The following HMBOX1 variants were observed in gnomAD, a reference collection of about 807,000 sequenced individuals.
The protein encoded by HMBOX1 is homeobox-containing protein 1.
HMBOX1 carries 14 observed loss-of-function variants against 54.5 expected under a neutral mutation model. The observed-to-expected ratio is 0.26, with a 90% CI of 0.17 to 0.40. The LOEUF is 0.40. HMBOX1 is among the 10% of genes least tolerant of loss of function. HMBOX1 has a pLI of 1.00. For missense variants in HMBOX1, 332 were observed against 514.4 expected, an observed-to-expected ratio of 0.65 and a Z score of 3.43; for synonymous variants, 160 against 181.0, an observed-to-expected ratio of 0.88 and a Z score of 0.93.
chr8:28,923,481 A>G (rs1015192347), intron 1 of HMBOX1, among the ~76,000 whole-genome samples: 4 of 152,316 alleles, frequency 2.6e-5, no homozygotes, highest in Middle Eastern at 6.8e-3. Flanking sequence ...TTACATTTGA[A>G]CACCTGTTTC....
intron 1 of HMBOX1, among the ~76,000 whole-genome samples, chr8:28,947,696 C>T (rs899032984): frequency 2.6e-5 from 4 of 152,148 alleles, no homozygotes; most frequent in Non-Finnish European, 4.4e-5. Flanking sequence ...ACTTAATCCA[C>T]GTTAGCTAAG....
At chr8:29,008,730 G>A (rs551602829) in intron 4 of HMBOX1, among the ~76,000 whole-genome samples, 1 of 152,268 alleles carries the variant, frequency 6.6e-6, no homozygotes, top group East Asian at 1.9e-4. Flanking sequence ...GAAAGCAGTG[G>A]TAATTGAAGG....
chr8:28,913,879 G>A lies in HMBOX1; in HGVS notation c.-58+23201G>A, dbSNP rs866438253. On this transcript the variant is annotated intron_variant, in intron 1 of 9. Coordinates refer to ENST00000287701, the MANE Select transcript of HMBOX1 (RefSeq NM_001135726.3). The stretch of plus-strand genomic sequence containing the variant: ...TCTTTTTTTTTTTTTTTTTTTTTGC[G>A]GGGGCGGAGGGATGGAGTCTCACTC... Among the ~76,000 whole-genome samples the A allele has an allele frequency of 6.2e-5, 8 of 129,872 alleles. No individual in the cohort carries two copies. The South Asian group carries it at 1.7e-3, about 27-fold the overall frequency. 85.2% of individuals were successfully genotyped at this position (129,872 alleles called of 152,430 possible). A position where few individuals can be genotyped will look rare whatever the true frequency, so the allele number is the denominator to read the frequency against.
At chr8:28,935,568 T>G (rs1820264286) in intron 1 of HMBOX1, among the ~76,000 whole-genome samples, 1 of 152,072 alleles carries the variant, frequency 6.6e-6, no homozygotes, top group Non-Finnish European at 1.5e-5. Context: ...GTCCTAAACC[T>G]AAGAGGTGGA....
chr8:28,940,108 A>G (rs965326618), intron 1 of HMBOX1, among the ~76,000 whole-genome samples: 5 of 152,000 alleles, frequency 3.3e-5, no homozygotes, highest in African/African-American at 1.2e-4. Flanking sequence ...TCCTGGGTTC[A>G]AGCAATTCTC....
chr8:28,985,461 C>T (rs1193853622), intron 4 of HMBOX1, among the ~76,000 whole-genome samples: 2 of 152,166 alleles, frequency 1.3e-5, no homozygotes, highest in East Asian at 3.8e-4. Context: ...AACATTCAAC[C>T]ATAGCAGCTT....
chr8:29,014,720 C>G (rs939729838), intron 5 of HMBOX1, among the ~76,000 whole-genome samples: 2 of 152,134 alleles, frequency 1.3e-5, no homozygotes, highest in Non-Finnish European at 2.9e-5. Flanking sequence ...CACTCTGTCG[C>G]CCAGGCTGGA....
chr8:29,009,862 C>A (rs1834004962), intron 5 of HMBOX1: 2 of 1,173,224 alleles, frequency 1.7e-6, no homozygotes, highest in Admixed American at 7.9e-5. Flanking sequence ...GGGACTATCT[C>A]AATCTATACT....
At chr8:28,993,544 G>C (rs1643004259) in intron 4 of HMBOX1, among the ~76,000 whole-genome samples, 1 of 152,100 alleles carries the variant, frequency 6.6e-6, no homozygotes, top group African/African-American at 2.4e-5. Context: ...GAATAAAGCA[G>C]CTCTGTATGT....
chr8:28,904,655 C>G (rs984905445), intron 1 of HMBOX1, among the ~76,000 whole-genome samples: 4 of 151,478 alleles, frequency 2.6e-5, no homozygotes, highest in South Asian at 2.1e-4. Flanking sequence ...GTGTGACTTA[C>G]TTTTAATAGA....
intron 1 of HMBOX1, among the ~76,000 whole-genome samples, chr8:28,897,674 T>A (rs906254907): frequency 1.3e-5 from 2 of 152,164 alleles, no homozygotes; most frequent in Non-Finnish European, 2.9e-5. Context: ...AGACTCTATC[T>A]CAAACAAACA....
At chr8:28,945,266 A>G (rs1000284066) in intron 1 of HMBOX1, among the ~76,000 whole-genome samples, 1 of 152,338 alleles carries the variant, frequency 6.6e-6, no homozygotes, top group Middle Eastern at 3.4e-3. Flanking sequence ...ATCATTGTCC[A>G]CAATTTACAG....
intron 1 of HMBOX1, among the ~76,000 whole-genome samples, chr8:28,911,343 G>A (rs1209939751): frequency 1.3e-5 from 2 of 152,188 alleles, no homozygotes; most frequent in African/African-American, 4.8e-5. Context: ...GCTTACTGCT[G>A]CTGGCACCAC....
intron 1 of HMBOX1, among the ~76,000 whole-genome samples, chr8:28,901,978 G>T (rs752783660): frequency 1.3e-5 from 2 of 152,046 alleles, no homozygotes; most frequent in Non-Finnish European, 2.9e-5. Context: ...AGTGAACCTC[G>T]ACACACTTAG....
At chr8:29,048,872 C>G (rs1245809427) in intron 8 of HMBOX1, 82 bp from the exon 9 acceptor site, 5 of 891,634 alleles carry the variant, frequency 5.6e-6, no homozygotes, top group Non-Finnish European at 5.3e-6. Flanking sequence ...AATTAATTTC[C>G]TTAGCACAAA....
intron 1 of HMBOX1, among the ~76,000 whole-genome samples, chr8:28,923,112 G>T (rs1220581916): frequency 2.0e-5 from 3 of 152,126 alleles, no homozygotes. Context: ...ACCACTGTCT[G>T]GTTCAGAAGT....
chr8:28,963,747 T>A, intron 1 of HMBOX1, 64 bp from the exon 2 acceptor site: 2 of 693,794 alleles, frequency 2.9e-6, no homozygotes, highest in Non-Finnish European at 4.8e-6. Flanking sequence ...GTTACATAAT[T>A]AAAATTTTTA....
At chr8:29,016,381 G>A (rs1307853572) in intron 5 of HMBOX1, among the ~76,000 whole-genome samples, 1 of 152,060 alleles carries the variant, frequency 6.6e-6, no homozygotes, top group Non-Finnish European at 1.5e-5. Flanking sequence ...TATATTAAAG[G>A]GAAATTTTTT....
At chr8:28,996,555 G>C (rs1831871396) in intron 4 of HMBOX1, among the ~76,000 whole-genome samples, 1 of 152,174 alleles carries the variant, frequency 6.6e-6, no homozygotes, top group Non-Finnish European at 1.5e-5. Context: ...GCAGGTGGAG[G>C]CTGGGTTGTC....
Sources: gnomAD v4.1 joint callset for allele counts (sites outside exome capture counted in the v4.1 genomes callset) on GRCh38, gnomAD v4.1.1 for gene constraint, MANE v1.5 for transcripts, NCBI Gene and HGNC (gene_info 2026-07-23, HGNC 2026-07-21) for gene names.